The following NBEA variants were observed in gnomAD, a reference collection of about 807,000 sequenced individuals.
The protein encoded by NBEA is neurobeachin, also known as lysosomal-trafficking regulator 2.
Under a neutral mutation model 343.4 loss-of-function variants are expected in NBEA, and 44 were observed. The ratio of observed to expected loss-of-function variants is 0.13; its 90% CI spans 0.10 to 0.16. NBEA has a LOEUF of 0.16. Ranked by LOEUF, NBEA falls within the 10% of genes least tolerant of loss-of-function variation. The pLI, the probability that NBEA is intolerant of heterozygous loss-of-function variation, is 1.00. For synonymous variants in NBEA, 1,175 were observed against 1,238.7 expected, an observed-to-expected ratio of 0.95 and a Z score of 1.08; for missense variants, 2,555 against 3,631.3, an observed-to-expected ratio of 0.70 and a Z score of 7.62.
At chr13:35,104,891 TAA>T (rs2065839164) in intron 11 of NBEA, among the ~76,000 whole-genome samples, 1 of 152,000 alleles carries the variant, frequency 6.6e-6, no homozygotes, top group Non-Finnish European at 1.5e-5. Context: ...CAAAGTATCT[TAA>T]ACATTAGGAA....
At chr13:35,140,160 G>T (rs2068008057) in intron 17 of NBEA, among the ~76,000 whole-genome samples, 1 of 151,800 alleles carries the variant, frequency 6.6e-6, no homozygotes, top group Non-Finnish European at 1.5e-5. Context: ...ATAGGAGCCT[G>T]CCACTATGCC....
At chr13:35,164,964 A>G in intron 24 of NBEA, 1 of 405,514 alleles carries the variant, frequency 2.5e-6, no homozygotes, top group Middle Eastern at 3.7e-4. Context: ...TTTAAAATAA[A>G]ATAGGTCAAT....
In NBEA at chr13:35,098,304, C is replaced by T. The variant is rs1426553574; in HGVS notation, c.1579C>T (p.Leu527=). Reference sequence around the variant, plus strand: ...TCTGTACTTTACATGCAGTGCTACTCTGTTGGCATTCCTGGTTGAACTACT... The same window carrying T: ...TCTGTACTTTACATGCAGTGCTACTTTGTTGGCATTCCTGGTTGAACTACT... ...SQVETTVCAT[L]LAFLVELLKS... is the part of the protein sequence containing the mutation. Residue 527 remains leucine (L), a synonymous_variant, in exon 11 of 59, where the codon CTG becomes TTG. Coordinates refer to ENST00000379939, the MANE Select transcript of NBEA (RefSeq NM_001385012.1). 3.2e-6 allele frequency: 5 copies of T among 1,577,014 alleles called. No homozygotes were observed. The South Asian group carries it at 5.8e-5, about 18-fold the overall frequency.
intron 34 of NBEA, among the ~76,000 whole-genome samples, chr13:35,240,626 A>G (rs2030086897): frequency 6.6e-6 from 1 of 151,912 alleles, no homozygotes; most frequent in African/African-American, 2.4e-5. Flanking sequence ...GAAAAGAGAT[A>G]TAGGAAGAAC....
chr13:35,499,838 A>G (rs1317887411), intron 41 of NBEA, among the ~76,000 whole-genome samples: 1 of 152,102 alleles, frequency 6.6e-6, no homozygotes, highest in Non-Finnish European at 1.5e-5. Flanking sequence ...GCAGTTCATG[A>G]AGGACAAATG....
At chr13:35,060,542 T>C (rs2063429431) in intron 8 of NBEA, among the ~76,000 whole-genome samples, 1 of 151,828 alleles carries the variant, frequency 6.6e-6, no homozygotes, top group Non-Finnish European at 1.5e-5. Flanking sequence ...ATTTGGGCAT[T>C]ACATCAGAGA....
intron 6 of NBEA, among the ~76,000 whole-genome samples, chr13:35,051,399 G>A (rs1419203915): frequency 6.6e-6 from 1 of 151,654 alleles, no homozygotes; most frequent in African/African-American, 2.4e-5. Context: ...TGTTGCTTAT[G>A]ATCTGATGTG....
At chr13:35,021,823 T>A (rs2061851703) in intron 1 of NBEA, among the ~76,000 whole-genome samples, 1 of 152,166 alleles carries the variant, frequency 6.6e-6, no homozygotes, top group African/African-American at 2.4e-5. Flanking sequence ...CTTAAGCCCA[T>A]AGTACATTGT....
intron 38 of NBEA, among the ~76,000 whole-genome samples, chr13:35,421,647 C>G (rs912376646): frequency 2.0e-5 from 3 of 151,696 alleles, no homozygotes; most frequent in Admixed American, 2.0e-4. Flanking sequence ...TTCAGTGTTT[C>G]TTCTATTACT....
chr13:34,998,067 G>A lies in NBEA; in HGVS notation c.295-42866G>A, dbSNP rs116139739. Among the ~76,000 whole-genome samples the A allele has an allele frequency of 3.0e-3, 451 of 152,124 alleles. 5 individuals are homozygous for A. Among genetic ancestry groups the A allele is most frequent in the African/African-American group, 0.01 (430 of 41,496 alleles). Reference sequence around the variant, plus strand: ...TTTCTATTTTCTGTAAGTGTTGGCCGGTCTGAGAAATAAAGGGACAGAGTA... The same window carrying A: ...TTTCTATTTTCTGTAAGTGTTGGCCAGTCTGAGAAATAAAGGGACAGAGTA... On this transcript the variant is annotated intron_variant, in intron 1 of 58. Coordinates refer to ENST00000379939, the MANE Select transcript of NBEA (RefSeq NM_001385012.1).
intron 19 of NBEA, 72 bp downstream of exon 19, chr13:35,155,927 T>C (rs1250180352): frequency 9.2e-6 from 14 of 1,516,698 alleles, no homozygotes; most frequent in Non-Finnish European, 1.3e-5. Context: ...TCAAAACTTT[T>C]CCTAACCCCT....
At chr13:35,011,083 A>G (rs1461632949) in intron 1 of NBEA, among the ~76,000 whole-genome samples, 1 of 151,950 alleles carries the variant, frequency 6.6e-6, no homozygotes, top group Non-Finnish European at 1.5e-5. Flanking sequence ...TATGGAATGT[A>G]GAGGGCAGAG....
At chr13:35,390,531 G>A (rs2042451703) in intron 38 of NBEA, among the ~76,000 whole-genome samples, 1 of 152,166 alleles carries the variant, frequency 6.6e-6, no homozygotes, top group Non-Finnish European at 1.5e-5. Context: ...GGCACTAAAT[G>A]TTATCTGTCA....
In NBEA at chr13:35,565,456, G is replaced by C. The variant is rs111612539; in HGVS notation, c.6923-1449G>C. The stretch of plus-strand genomic sequence containing the variant: ...TCATTTAATGTAATTTCCTGATGAT[G>C]AACAAGATAATATCTGCATATCTAT... On this transcript the variant is annotated intron_variant, in intron 44 of 58. Transcript: ENST00000379939. Among the ~76,000 whole-genome samples, 3 of 151,800 alleles carry C rather than the reference G, an allele frequency of 2.0e-5. No individual in the cohort carries two copies. The East Asian group carries it at 5.8e-4, about 29-fold the overall frequency.
intron 43 of NBEA, among the ~76,000 whole-genome samples, chr13:35,552,472 A>T (rs2079375831): frequency 6.6e-6 from 1 of 152,234 alleles, no homozygotes; most frequent in Non-Finnish European, 1.5e-5. Flanking sequence ...GGTCAAAGAA[A>T]AATGCATTTC....
chr13:35,486,585 G>T (rs2152970374), intron 41 of NBEA, among the ~76,000 whole-genome samples: 1 of 152,028 alleles, frequency 6.6e-6, no homozygotes, highest in South Asian at 2.1e-4. Flanking sequence ...TCTTACCAGG[G>T]TCACACAGGT....
At chr13:35,501,874 C>G (rs1224484441) in intron 41 of NBEA, among the ~76,000 whole-genome samples, 1 of 152,080 alleles carries the variant, frequency 6.6e-6, no homozygotes, top group Non-Finnish European at 1.5e-5. Flanking sequence ...AATTCCAGAT[C>G]CCCTCTCTGA....
chr13:35,472,377 C>T (rs747474746), intron 40 of NBEA, 23 bp from the exon 41 acceptor site: 4 of 1,607,840 alleles, frequency 2.5e-6, no homozygotes, highest in Admixed American at 1.7e-5. Flanking sequence ...CTCAGCCTGA[C>T]TCCCCTTGTC....
chr13:35,423,111 T>C (rs2044404765), intron 38 of NBEA, among the ~76,000 whole-genome samples: 1 of 152,204 alleles, frequency 6.6e-6, no homozygotes, highest in East Asian at 1.9e-4. Flanking sequence ...CTGTTCACTC[T>C]GATGGTAGTT....
Sources: gnomAD v4.1 joint callset for allele counts (sites outside exome capture counted in the v4.1 genomes callset) on GRCh38, gnomAD v4.1.1 for gene constraint, MANE v1.5 for transcripts, NCBI Gene and HGNC (gene_info 2026-07-23, HGNC 2026-07-21) for gene names.